BFSP2: variants seen among roughly 807,000 people sequenced by gnomAD.
BFSP2 encodes phakinin.
A neutral mutation model predicts 44.9 loss-of-function variants in BFSP2; 38 were observed. The observed-to-expected ratio is 0.85, with a 90% CI of 0.65 to 1.11. BFSP2 has a LOEUF of 1.11. Among genes scored for constraint, BFSP2 ranks in the 50% least tolerant of loss-of-function variants. The pLI, the probability that BFSP2 is intolerant of heterozygous loss-of-function variation, is 0.00. For synonymous variants in BFSP2, 197 were observed against 209.9 expected, an observed-to-expected ratio of 0.94 and a Z score of 0.53; for missense variants, 525 against 533.0, an observed-to-expected ratio of 0.99 and a Z score of 0.15.
At chr3:133,460,909 C>G (rs2074056430) in intron 4 of BFSP2, among the ~76,000 whole-genome samples, 1 of 152,226 alleles carries the variant, frequency 6.6e-6, no homozygotes, top group African/African-American at 2.4e-5. Context: ...GTGACTTGCT[C>G]AAACCTGCAC....
intron 1 of BFSP2, chr3:133,445,612 G>A (rs2073889905): frequency 6.6e-6 from 1 of 152,122 alleles, no homozygotes; most frequent in Non-Finnish European, 1.5e-5. Flanking sequence ...ATAGATGATT[G>A]CGTTTATACT....
chr3:133,473,960 C>A (rs576822832), intron 6 of BFSP2, among the ~76,000 whole-genome samples: 2 of 152,286 alleles, frequency 1.3e-5, no homozygotes, highest in East Asian at 1.9e-4. Flanking sequence ...ACTGGCCATA[C>A]CCATCTGCAA....
intron 5 of BFSP2, among the ~76,000 whole-genome samples, chr3:133,470,813 A>C (rs1028429891): frequency 6.6e-6 from 1 of 152,198 alleles, no homozygotes; most frequent in African/African-American, 2.4e-5. Context: ...CACTGTGATA[A>C]GTTCAAGAGC....
intron 1 of BFSP2, among the ~76,000 whole-genome samples, chr3:133,412,960 C>G (rs1272228889): frequency 6.6e-6 from 1 of 152,196 alleles, no homozygotes; most frequent in Non-Finnish European, 1.5e-5. Flanking sequence ...TGACGTGGAG[C>G]TGGCGCCAGA....
intron 1 of BFSP2, among the ~76,000 whole-genome samples, chr3:133,414,747 T>A (rs2073495953): frequency 2.4e-5 from 1 of 41,854 alleles, no homozygotes; most frequent in Non-Finnish European, 4.6e-5. Flanking sequence ...CCATTTCCCC[T>A]CTACTCACCC....
intron 1 of BFSP2, among the ~76,000 whole-genome samples, chr3:133,443,255 G>A (rs556199066): frequency 1.3e-5 from 2 of 152,324 alleles, no homozygotes; most frequent in East Asian, 1.9e-4. Flanking sequence ...GTATGCAAGT[G>A]TGGAGCTGAG....
chr3:133,418,095 AACTCACCCCTGCCCTCTACCTTCT>A (rs2073561151), intron 1 of BFSP2, among the ~76,000 whole-genome samples: 1 of 74,828 alleles, frequency 1.3e-5, no homozygotes, highest in Non-Finnish European at 2.6e-5. Flanking sequence ...CTCTCGCCTT[AACTCACCCCTGCCCTCTACCTTCT>A]ACTCACCCCT....
intron 2 of BFSP2, among the ~76,000 whole-genome samples, chr3:133,448,149 T>G (rs1214374089): frequency 1.3e-5 from 2 of 152,206 alleles, no homozygotes; most frequent in Non-Finnish European, 2.9e-5. Flanking sequence ...TGTTAAAGGA[T>G]CCTTGGTTGA....
intron 6 of BFSP2, among the ~76,000 whole-genome samples, chr3:133,473,079 C>T (rs1394494657): frequency 4.6e-5 from 7 of 151,902 alleles, no homozygotes; most frequent in Non-Finnish European, 8.8e-5. Flanking sequence ...AGGTGTGAGC[C>T]GTGACACCCC....
intron 1 of BFSP2, among the ~76,000 whole-genome samples, chr3:133,424,137 C>T (rs1223559440): frequency 1.3e-5 from 2 of 151,484 alleles, no homozygotes; most frequent in Non-Finnish European, 1.5e-5. Flanking sequence ...CTGCAACCTC[C>T]GCCGCCCGGG....
chr3:133,400,198 C>G lies in BFSP2; in HGVS notation c.115C>G (p.Pro39Ala), dbSNP rs745703781. Residue 39 changes from proline (P) to alanine (A), a missense_variant, in exon 1 of 7, where the codon CCC becomes GCC. Coordinates refer to ENST00000302334, the MANE Select transcript of BFSP2 (RefSeq NM_003571.4). The surrounding 1 kb of genome is among the most constrained non-coding windows in gnomAD (Gnocchi z 4.0). ...ACGGTCATCATCCTCCCTGGAGAGC[C>G]CCCCAGCCTCCAGGACCAATGCCAT... is the stretch of plus-strand genomic sequence containing the variant. Reference protein sequence around the residue: ...GPRSSSSLESPPASRTNAMSG... With the variant: ...GPRSSSSLESAPASRTNAMSG... 6.2e-7 allele frequency: 1 copy of G among 1,613,950 alleles called. No homozygotes were observed. Among genetic ancestry groups the G allele is most frequent in the Non-Finnish European group, 8.5e-7 (1 of 1,180,024 alleles).
chr3:133,442,375 A>T (rs1467209243), intron 1 of BFSP2, among the ~76,000 whole-genome samples: 1 of 151,668 alleles, frequency 6.6e-6, no homozygotes, highest in African/African-American at 2.4e-5. Context: ...GGCTGGTCTC[A>T]AACTTCTAGG....
chr3:133,431,387 C>G (rs1476627764), intron 1 of BFSP2, among the ~76,000 whole-genome samples: 2 of 152,124 alleles, frequency 1.3e-5, no homozygotes, highest in Non-Finnish European at 2.9e-5. Context: ...AGAACCTCCT[C>G]CCCCAGGAGC....
chr3:133,459,016 G>C (rs2074038260), intron 4 of BFSP2, among the ~76,000 whole-genome samples: 1 of 152,122 alleles, frequency 6.6e-6, no homozygotes, highest in African/African-American at 2.4e-5. Context: ...GCATACCTTA[G>C]ATATTTTTTA....
Position 133,424,605 on chromosome 3 carries a change from GGTTT to G in BFSP2, c.490-22703_490-22700del, listed in dbSNP as rs202109056. Among the ~76,000 whole-genome samples the G allele has an allele frequency of 6.7e-3, 1,014 of 152,066 alleles. 6 individuals carry two copies. Among genetic ancestry groups the G allele is most frequent in the African/African-American group, 7.3e-3 (302 of 41,480 alleles). On this transcript the variant is annotated intron_variant, in intron 1 of 6. Transcript: ENST00000302334. ...CCATCATGGTCCTGATCCTTTTGTGGGTTTGTTTGTTTTTTGTTTTTGTTTTGAT... is the reference window on the plus strand; with the variant it reads ...CCATCATGGTCCTGATCCTTTTGTGGGTTTGTTTTTTGTTTTTGTTTTGAT...
chr3:133,406,327 G>A (rs572855722), intron 1 of BFSP2, among the ~76,000 whole-genome samples: 9 of 152,304 alleles, frequency 5.9e-5, no homozygotes, highest in African/African-American at 2.2e-4. Flanking sequence ...CAAGAGAACT[G>A]CTAAAGAAAA....
chr3:133,450,925 C>A (rs2073958030), intron 4 of BFSP2, among the ~76,000 whole-genome samples: 1 of 152,124 alleles, frequency 6.6e-6, no homozygotes, highest in Non-Finnish European at 1.5e-5. Flanking sequence ...TCCTGGCTAA[C>A]AGGGTGAAAC....
intron 1 of BFSP2, among the ~76,000 whole-genome samples, chr3:133,424,928 C>G (rs1257547002): frequency 2.0e-5 from 3 of 152,224 alleles, no homozygotes; most frequent in Non-Finnish European, 2.9e-5. Flanking sequence ...GCCACCATGC[C>G]TGGCCTGGTT....
chr3:133,418,089 C>T (rs79658672), intron 1 of BFSP2, among the ~76,000 whole-genome samples: 3,123 of 142,396 alleles, frequency 0.022, 106 homozygotes, highest in African/African-American at 0.068. Context: ...CATGCCCTCT[C>T]GCCTTAACTC....
Sources: allele counts gnomAD v4.1 joint callset (sites outside exome capture counted in the v4.1 genomes callset), GRCh38; gene constraint gnomAD v4.1.1; non-coding constraint Gnocchi (gnomAD v3.1); transcripts MANE v1.5; gene names NCBI Gene and HGNC (gene_info 2026-07-23, HGNC 2026-07-21).